Variants in SV2C observed in about 807,000 individuals in gnomAD.
SV2C encodes the protein solute carrier family 22 member B3.
In SV2C, 49 loss-of-function variants were observed where a neutral mutation model predicts 79.7. The observed-to-expected ratio is 0.61, with a 90% CI of 0.49 to 0.78. SV2C has a LOEUF of 0.78. Ranked by LOEUF, SV2C falls within the 30% of genes least tolerant of loss-of-function variation. The pLI is 0.00. For missense variants in SV2C, 833 were observed against 912.9 expected (o/e 0.91, Z 1.13); for synonymous variants, 334 against 333.2 (o/e 1.00, Z -0.03).
chr5:76,070,432 T>C, the SV2C span, among the ~76,000 whole-genome samples: 1 of 152,182 alleles, frequency 6.6e-6, no homozygotes, highest in Non-Finnish European at 1.5e-5. Context: ...ATAGCAATTT[T>C]CAGTGGCACT....
chr5:75,974,857 C>G, the SV2C span, among the ~76,000 whole-genome samples: 1 of 151,978 alleles, frequency 6.6e-6, no homozygotes, highest in African/African-American at 2.4e-5. Context: ...TATTCACAAC[C>G]CTCTGAGGTA....
chr5:75,921,960 A>G, the SV2C span, among the ~76,000 whole-genome samples: 1 of 152,170 alleles, frequency 6.6e-6, no homozygotes, highest in African/African-American at 2.4e-5. Context: ...GAATACAAAC[A>G]CAAATGCACC....
At chr5:76,236,198 G>C (rs58657036) in intron 4 of SV2C, among the ~76,000 whole-genome samples, 17,902 of 152,176 alleles carry the variant, frequency 0.12, 3,069 homozygotes, top group African/African-American at 0.38. Context: ...GTAAAAGTTA[G>C]TTCATAGCTT....
At chr5:76,120,272 C>A (rs558240101) in intron 1 of SV2C, among the ~76,000 whole-genome samples, 1 of 116,378 alleles carries the variant, frequency 8.6e-6, no homozygotes, top group East Asian at 3.2e-4. Flanking sequence ...GTGAAAAAGT[C>A]AAATAACATT....
intron 1 of SV2C, among the ~76,000 whole-genome samples, chr5:76,123,519 C>T (rs1748605749): frequency 1.3e-5 from 2 of 152,120 alleles, no homozygotes; most frequent in Admixed American, 6.6e-5. Context: ...CATCAAAAAG[C>T]TTATCCACCA....
At chr5:76,220,224 G>A (rs1745025942) in intron 4 of SV2C, among the ~76,000 whole-genome samples, 2 of 152,296 alleles carry the variant, frequency 1.3e-5, no homozygotes, top group South Asian at 2.1e-4. Flanking sequence ...AGCATACTAA[G>A]TAACAACATC....
chr5:76,001,610 C>G, the SV2C span, among the ~76,000 whole-genome samples: 2 of 151,856 alleles, frequency 1.3e-5, no homozygotes, highest in Non-Finnish European at 2.9e-5. Flanking sequence ...AATCTTTTGT[C>G]CAGTTCAGAA....
At chr5:76,221,034 G>A (rs927584322) in intron 4 of SV2C, among the ~76,000 whole-genome samples, 2 of 152,196 alleles carry the variant, frequency 1.3e-5, no homozygotes, top group Non-Finnish European at 2.9e-5. Context: ...GACACAGGGA[G>A]GCAACTGGCC....
chr5:76,281,470 A>G (rs1427770529), intron 4 of SV2C, among the ~76,000 whole-genome samples: 1 of 151,972 alleles, frequency 6.6e-6, no homozygotes, highest in Admixed American at 6.6e-5. Flanking sequence ...AACTTCTATC[A>G]GCCAAGTTAG....
At chr5:76,175,218 CTAGA>C (rs1351950744) in intron 2 of SV2C, among the ~76,000 whole-genome samples, 3 of 152,132 alleles carry the variant, frequency 2.0e-5, no homozygotes, top group Non-Finnish European at 4.4e-5. Flanking sequence ...CTCTTCTTTG[CTAGA>C]TAAAGTGTGG....
At chr5:75,981,608 C>A in the SV2C span, among the ~76,000 whole-genome samples, 4 of 152,106 alleles carry the variant, frequency 2.6e-5, no homozygotes, top group Non-Finnish European at 4.4e-5. Context: ...CAAAAACAAG[C>A]AATGGGGAAA....
At chr5:76,308,845 G>A (rs2937745) in intron 12 of SV2C, among the ~76,000 whole-genome samples, 14,668 of 152,000 alleles carry the variant, frequency 0.097, 754 homozygotes, top group Admixed American at 0.14. Context: ...ATTCCATCTC[G>A]GTGTGAATTT....
At chr5:75,960,299 C>A in the SV2C span, among the ~76,000 whole-genome samples, 1 of 151,902 alleles carries the variant, frequency 6.6e-6, no homozygotes, top group Non-Finnish European at 1.5e-5. Context: ...TGGCTTTTTA[C>A]AATCTGTTTC....
upstream of SV2C, chr5:76,078,882 GGACCTTCAGAGTTAC>G (rs1746930189): frequency 1.8e-6 from 1 of 567,862 alleles, no homozygotes; most frequent in African/African-American, 1.9e-5. Context: ...TGGTGTTGCT[GGACCTTCAGAGTTAC>G]AATGATGACT....
At chr5:76,065,958 G>A in the SV2C span, among the ~76,000 whole-genome samples, 95 of 152,268 alleles carry the variant, frequency 6.2e-4, no homozygotes, top group African/African-American at 2.3e-3. Flanking sequence ...CTTGGCATGT[G>A]TTGCAATTTT....
intron 1 of SV2C, among the ~76,000 whole-genome samples, chr5:76,121,171 G>C (rs1382844532): frequency 6.6e-6 from 1 of 151,984 alleles, no homozygotes; most frequent in Non-Finnish European, 1.5e-5. Context: ...GTCTTCTTTT[G>C]AGAAGTGTCT....
the SV2C span, among the ~76,000 whole-genome samples, chr5:75,904,690 T>G: frequency 6.6e-6 from 1 of 152,224 alleles, no homozygotes; most frequent in Admixed American, 6.5e-5. Flanking sequence ...GACTGGATCC[T>G]AGGGAAAACA....
intron 4 of SV2C, among the ~76,000 whole-genome samples, chr5:76,269,598 G>A (rs912452732): frequency 2.0e-5 from 3 of 152,116 alleles, no homozygotes; most frequent in Non-Finnish European, 4.4e-5. Flanking sequence ...ATTGGTACTC[G>A]AGCCTGCCTA....
chr5:75,910,576 G>A, the SV2C span: 1 of 697,612 alleles, frequency 1.4e-6, no homozygotes, highest in Non-Finnish European at 2.6e-6. Context: ...AGTTCAGTGA[G>A]ATTGAGGAGA....
Sources: allele counts gnomAD v4.1 joint callset (sites outside exome capture counted in the v4.1 genomes callset), GRCh38; gene constraint gnomAD v4.1.1; transcripts MANE v1.5; gene names NCBI Gene and HGNC (gene_info 2026-07-23, HGNC 2026-07-21).